The following DNPEP variants were observed in gnomAD, a reference collection of about 807,000 sequenced individuals.
DNPEP encodes the protein aspartyl aminopeptidase.
In DNPEP, 46 loss-of-function variants were observed where a neutral mutation model predicts 59.1. The ratio of observed to expected loss-of-function variants is 0.78; its 90% CI spans 0.61 to 0.99. DNPEP has a LOEUF of 0.99. Ranked by LOEUF, DNPEP falls within the 50% of genes least tolerant of loss-of-function variation. The probability of loss-of-function intolerance (pLI) is 0.00; values close to 1 mark genes in which losing one functional copy is unlikely to be tolerated. For missense variants in DNPEP, 617 were observed against 649.9 expected (o/e 0.95, Z 0.55); for synonymous variants, 229 against 242.2 (o/e 0.95, Z 0.50).
In DNPEP at chr2:219,382,095, C is replaced by T; in HGVS notation, c.981G>A (p.Glu327=). Residue 327 remains glutamate, a synonymous_variant, in exon 11 of 15, where the codon GAG becomes GAA. Transcript: ENST00000273075. The part of the protein sequence containing the change: ...SAQGAQSLLT[E]LVLRRISASC... ...AGGCTGAGATCCGCCGCAGCACCAG[C>T]TCTGTCAGCAGTGACTGTGCTCCCT... The T allele has an allele frequency of 1.2e-6, 2 of 1,613,632 alleles. No homozygotes were observed. Among genetic ancestry groups the T allele is most frequent in the Non-Finnish European group, 1.7e-6 (2 of 1,180,026 alleles).
At chr2:219,384,140 T>C (rs184116311) in intron 9 of DNPEP, among the ~76,000 whole-genome samples, 31 of 152,306 alleles carry the variant, frequency 2.0e-4, no homozygotes, top group Non-Finnish European at 1.6e-4. Context: ...TTCTCCTCCT[T>C]CTTCTTGCCT....
rs574678407 is a variant in DNPEP at position 219,380,944 on chromosome 2, C to T, written c.1239+391G>A. Among the ~76,000 whole-genome samples the T allele has an allele frequency of 1.3e-4, 20 of 152,130 alleles. No individual in the cohort carries two copies. In the South Asian group the frequency reaches 1.5e-3, roughly 11 times the overall value. On this transcript the variant is annotated intron_variant, in intron 13 of 14. Coordinates refer to ENST00000273075, the MANE Select transcript of DNPEP (RefSeq NM_012100.4). ...GAGTTCCATACTCCCCAGCCCTGAA[C>T]TTTCCCTGTGGAAGCCCCCAGGGTG... is the stretch of plus-strand genomic sequence containing the variant.
rs770371998 is a variant in DNPEP, at chr2:219,374,346, T to C, written c.1408-4A>G. 5 of 1,613,786 alleles carry C rather than the reference T, an allele frequency of 3.1e-6. No homozygotes were observed. In the South Asian group the frequency reaches 5.5e-5, roughly 18 times the overall value. ...AAGGGAACAGCTCAAAGAAGCCCTA[T>C]AATGGGAGGCAACATGGAGTTTGGA... On this transcript the variant is annotated splice_polypyrimidine_tract_variant and splice_region_variant and intron_variant, in intron 14 of 14. Coordinates refer to ENST00000273075, the MANE Select transcript of DNPEP (RefSeq NM_012100.4).
intron 1 of DNPEP, chr2:219,387,429 C>G: frequency 7.0e-7 from 1 of 1,434,822 alleles, no homozygotes; most frequent in Non-Finnish European, 9.2e-7. Flanking sequence ...ATGTCCCTGC[C>G]CAGCTAGGAA....
chr2:219,386,029 G>C lies in DNPEP; in HGVS notation c.529C>G (p.Leu177Val). 1 of 1,614,192 alleles carries C rather than the reference G, an allele frequency of 6.2e-7. No homozygotes were observed. Among genetic ancestry groups the C allele is most frequent in the African/African-American group, 1.3e-5 (1 of 75,044 alleles). Residue 177 changes from leucine to valine, a missense_variant, in exon 6 of 15, where the codon CTG (leucine) becomes GTG (valine). Transcript: ENST00000273075. Reference protein sequence around the residue: ...VERPILRIPHLAIHLQRNINE... With the variant: ...VERPILRIPHVAIHLQRNINE... ...ATATTTCGCTGCAGATGGATGGCCAGGTGTGGGATGCGAAGAATGGGCCGC... is the reference window on the plus strand; with the variant it reads ...ATATTTCGCTGCAGATGGATGGCCACGTGTGGGATGCGAAGAATGGGCCGC...
At chr2:219,380,842 TACAC>T (rs58867229) in intron 13 of DNPEP, among the ~76,000 whole-genome samples, 3 of 145,682 alleles carry the variant, frequency 2.1e-5, no homozygotes, top group Admixed American at 6.9e-5. Flanking sequence ...CATATATATG[TACAC>T]ACACACACAC....
chr2:219,386,448 T>G lies in DNPEP; in HGVS notation c.334-37A>C, dbSNP rs759447829. The G allele has an allele frequency of 3.1e-6, 5 of 1,613,318 alleles. No individual in the cohort carries two copies. The African/African-American group carries it at 5.3e-5, about 17-fold the overall frequency. On this transcript the variant is annotated intron_variant, in intron 4 of 14. Coordinates refer to ENST00000273075, the MANE Select transcript of DNPEP (RefSeq NM_012100.4). ...GATGGAGAAGTCAGAGAAGGCTTCATGACGATATGTGGAGATGAGACTTTG... is the reference window on the plus strand; with the variant it reads ...GATGGAGAAGTCAGAGAAGGCTTCAGGACGATATGTGGAGATGAGACTTTG...
Position 219,385,838 on chromosome 2 carries a change from G to C in DNPEP, c.590+130C>G, listed in dbSNP as rs541417051. ...TCCCAGCCCACTCCCCAAATCACAAGGCTGTGAGGACCCTTAGAAATTAAC... is the reference window on the plus strand; with the variant it reads ...TCCCAGCCCACTCCCCAAATCACAACGCTGTGAGGACCCTTAGAAATTAAC... On this transcript the variant is annotated intron_variant, in intron 6 of 14. Coordinates refer to ENST00000273075, the MANE Select transcript of DNPEP (RefSeq NM_012100.4). 6.9e-6 allele frequency: 10 copies of C among 1,455,214 alleles called. No homozygotes were observed. In the East Asian group the frequency reaches 2.2e-4, roughly 32 times the overall value. The allele number at this position is 1,455,214 out of a possible 1,614,324, so 90.1% of individuals were successfully genotyped here.
intron 13 of DNPEP, 128 bp from the exon 14 acceptor site, chr2:219,375,150 G>A: frequency 1.0e-6 from 1 of 985,526 alleles, no homozygotes; most frequent in Non-Finnish European, 1.5e-6. Context: ...TAAAATCAAA[G>A]CCAATGCTAA....
intron 1 of DNPEP, among the ~76,000 whole-genome samples, chr2:219,394,134 C>G (rs1954059960): frequency 6.6e-6 from 1 of 152,168 alleles, no homozygotes; most frequent in Admixed American, 6.5e-5. Flanking sequence ...ACTATCTAGT[C>G]TTATGTTTTC....
Position 219,399,468 on chromosome 2 carries a change from C to T in DNPEP, c.-158+472G>A, listed in dbSNP as rs571440790. On this transcript the variant is annotated intron_variant, in intron 1 of 6. Coordinates refer to the DNPEP transcript ENST00000434339. ...AAACTCCTGATTTGGAAGATTTGGG[C>T]TGAGGCCCAGGGATCTCCACTTTTA... 6.9e-4 allele frequency: 320 copies of T among 462,876 alleles called. 5 individuals carry two copies. The highest frequency in any genetic ancestry group is 4.8e-3 in the South Asian group (311 of 64,622). 28.7% of individuals were successfully genotyped at this position (462,876 alleles called of 1,614,324 possible).
intron 9 of DNPEP, among the ~76,000 whole-genome samples, chr2:219,383,473 C>CTTTTTT (rs1559337040): frequency 6.6e-6 from 1 of 151,176 alleles, no homozygotes; most frequent in Non-Finnish European, 1.5e-5. Context: ...CCTTTTTTTT[C>CTTTTTT]TCTTTTTTTC....
intron 8 of DNPEP, 97 bp from the exon 9 acceptor site, chr2:219,384,540 T>G: frequency 5.2e-6 from 5 of 952,746 alleles, no homozygotes; most frequent in Non-Finnish European, 8.0e-6. Context: ...GCGCAACCTC[T>G]CCCTGACCCC....
Position 219,374,884 on chromosome 2 carries a change from C to T in DNPEP, c.1378G>A (p.Gly460Arg). 1 of 1,614,184 alleles carries T rather than the reference C, an allele frequency of 6.2e-7. No individual in the cohort carries two copies. The change falls in exon 14 of 15, where the codon GGA becomes AGA. Residue 460 changes from glycine to arginine, a missense_variant. Physicochemically the swap from Gly to Arg is moderately radical, Grantham distance 125. Coordinates refer to ENST00000273075, the MANE Select transcript of DNPEP (RefSeq NM_012100.4). Reference protein sequence around the residue: ...HSIREMACTTGVLQTLTLFKG... With the variant: ...HSIREMACTTRVLQTLTLFKG... ...AAGAGGGTGAGGGTCTGGAGGACTC[C>T]TGTGGTGCAGGCCATCTCCCGGATA...
Position 219,385,473 on chromosome 2 carries a change from G to C in DNPEP, c.725C>G (p.Pro242Arg), listed in dbSNP as rs919738069. The change falls in exon 8 of 15, where the codon CCC (proline) becomes CGC (arginine). Residue 242 changes from proline (P) to arginine (R), a missense_variant. By Grantham distance (103) the Pro-to-Arg change is moderately radical (BLOSUM62 -2). Coordinates refer to ENST00000273075, the MANE Select transcript of DNPEP (RefSeq NM_012100.4). ...SLLCAHLGLS[P>R]KDIVEMELCL... ...GAGCTCCATCTCCACTATGTCCTTGGGGCTCAGCCCCAGATGGGCACAGAG... is the reference window on the plus strand; with the variant it reads ...GAGCTCCATCTCCACTATGTCCTTGCGGCTCAGCCCCAGATGGGCACAGAG... 3.1e-6 allele frequency: 5 copies of C among 1,608,694 alleles called. No individual in the cohort carries two copies. In the African/African-American group the frequency reaches 6.7e-5, roughly 22 times the overall value.
Position 219,374,056 on chromosome 2 carries a change from A to G in DNPEP, c.*236T>C, listed in dbSNP as rs1049839924. ...GACATGGACTTGAGACAGAGAAGAG[A>G]TTTAAAACCAGATTTAAAACCATCA... On this transcript the variant is annotated 3_prime_UTR_variant, in exon 15 of 15. Transcript: ENST00000273075. 6 of 509,086 alleles carry G rather than the reference A, an allele frequency of 1.2e-5. No individual in the cohort carries two copies. Among genetic ancestry groups the G allele is most frequent in the Non-Finnish European group, 1.1e-5 (3 of 283,736 alleles). The allele number at this position is 509,086 out of a possible 1,614,324, so 31.5% of individuals were successfully genotyped here. A position where few individuals can be genotyped will look rare whatever the true frequency, so the allele number is the denominator to read the frequency against.
At chr2:219,396,702 C>T (rs906685173) in intron 1 of DNPEP, among the ~76,000 whole-genome samples, 4 of 152,118 alleles carry the variant, frequency 2.6e-5, no homozygotes, top group African/African-American at 9.7e-5. Flanking sequence ...CCTGTATTTT[C>T]ATTTGCTAAA....
intron 1 of DNPEP, among the ~76,000 whole-genome samples, chr2:219,396,038 C>T (rs757567141): frequency 2.4e-4 from 37 of 152,150 alleles, no homozygotes; most frequent in African/African-American, 9.6e-5. Flanking sequence ...CTAAATGCAA[C>T]GCTGTGGATG....
At chr2:219,396,046 A>C (rs1472664271) in intron 1 of DNPEP, among the ~76,000 whole-genome samples, 2 of 152,210 alleles carry the variant, frequency 1.3e-5, no homozygotes, top group East Asian at 3.8e-4. Context: ...AACGCTGTGG[A>C]TGGATCTCAG....
Sources: gnomAD v4.1 joint callset for allele counts (sites outside exome capture counted in the v4.1 genomes callset) on GRCh38, gnomAD v4.1.1 for gene constraint, MANE v1.5 for transcripts, NCBI Gene and HGNC (gene_info 2026-07-23, HGNC 2026-07-21) for gene names.